The following HHLA2 variants were observed in gnomAD, a reference collection of about 807,000 sequenced individuals.
HHLA2 encodes HHLA2 member of B7 family.
In HHLA2, 48 loss-of-function variants were observed where a neutral mutation model predicts 45.9. The observed-to-expected ratio is 1.05, with a 90% CI of 0.83 to 1.33. HHLA2 has a LOEUF of 1.33. HHLA2 is among the 40% of genes most tolerant of loss of function. HHLA2 has a pLI of 0.00. For synonymous variants in HHLA2, 161 were observed against 173.9 expected (o/e 0.93, Z 0.59); for missense variants, 462 against 494.3 (o/e 0.93, Z 0.62).
chr3:108,366,972 C>T (rs2082075571), intron 8 of HHLA2, among the ~76,000 whole-genome samples: 1 of 152,212 alleles, frequency 6.6e-6, no homozygotes, highest in Non-Finnish European at 1.5e-5. Context: ...TGGCATCAGG[C>T]TGGTGCCCCT....
chr3:108,332,792 C>T (rs1464684281), intron 3 of HHLA2, among the ~76,000 whole-genome samples: 1 of 152,142 alleles, frequency 6.6e-6, no homozygotes, highest in Non-Finnish European at 1.5e-5. Context: ...TTTGATGTTG[C>T]TTCTCCTGTT....
At chr3:108,323,499 A>G (rs1391476602) in intron 2 of HHLA2, among the ~76,000 whole-genome samples, 2 of 152,160 alleles carry the variant, frequency 1.3e-5, no homozygotes, top group African/African-American at 2.4e-5. Flanking sequence ...ATAAACATGT[A>G]TTTAAGCTGC....
At chr3:108,357,976 A>G (rs1349050145) in exon 7 of HHLA2, 2 of 1,613,706 alleles carry the variant, frequency 1.2e-6, no homozygotes, top group African/African-American at 2.7e-5. Context: ...GTCCTGGCTT[A>G]CTATCTGAGC....
Position 108,297,645 on chromosome 3 carries a change from A to G in HHLA2, c.-192+1046A>G, listed in dbSNP as rs543291091. Among the ~76,000 whole-genome samples the G allele has an allele frequency of 6.6e-4, 101 of 152,314 alleles. 3 individuals carry two copies. The highest frequency in any genetic ancestry group is 3.6e-4 in the African/African-American group (15 of 41,578). On this transcript the variant is annotated intron_variant, in intron 1 of 10. Coordinates refer to ENST00000619531, the Ensembl canonical transcript of HHLA2. Reference sequence around the variant, plus strand: ...AGATGTAAAAGACAAATGATTTCCTATATAATCATATTGAGTAGCCTGAAA... The same window carrying G: ...AGATGTAAAAGACAAATGATTTCCTGTATAATCATATTGAGTAGCCTGAAA...
At chr3:108,372,543 G>GT (rs1225520326) in intron 8 of HHLA2, among the ~76,000 whole-genome samples, 1 of 150,948 alleles carries the variant, frequency 6.6e-6, no homozygotes, top group Non-Finnish European at 1.5e-5. Context: ...CCAGGAGCTG[G>GT]TTTTTTGAAA....
At chr3:108,364,908 A>G (rs1260070981) in intron 8 of HHLA2, among the ~76,000 whole-genome samples, 3 of 152,118 alleles carry the variant, frequency 2.0e-5, no homozygotes, top group African/African-American at 7.2e-5. Flanking sequence ...CTTTTGTCAG[A>G]TGGGTAGACT....
Position 108,375,791 on chromosome 3 carries a change from GCC to G in HHLA2, c.1152_1153del (p.Gln385ThrfsTer10). 1 of 1,610,750 alleles carries G rather than the reference GCC, an allele frequency of 6.2e-7. No individual in the cohort carries two copies. The highest frequency in any genetic ancestry group is 2.2e-5 in the East Asian group (1 of 44,778). On this transcript the variant is annotated frameshift_variant, in exon 9 of 11. Coordinates refer to ENST00000619531, the Ensembl canonical transcript of HHLA2. LOFTEE classifies it high-confidence loss of function. ...GAGGAGCAGACACCCTGCTGATGGA[GCC>G]CAACAAGGTCAGCCTCCCATGTCTG...
At chr3:108,325,839 G>A (rs901379266) in intron 2 of HHLA2, 37 of 353,790 alleles carry the variant, frequency 1.0e-4, no homozygotes, top group African/African-American at 2.8e-4. Flanking sequence ...CTACCTCCAC[G>A]ACCACCACTC....
chr3:108,326,467 G>T (rs1030484152), intron 2 of HHLA2: 1 of 152,178 alleles, frequency 6.6e-6, no homozygotes, highest in Non-Finnish European at 1.5e-5. Flanking sequence ...CATGAGAACT[G>T]TATGGGGAAA....
At chr3:108,369,373 C>G (rs1436201916) in intron 8 of HHLA2, among the ~76,000 whole-genome samples, 1 of 152,162 alleles carries the variant, frequency 6.6e-6, no homozygotes, top group Non-Finnish European at 1.5e-5. Flanking sequence ...CGGTCTACAG[C>G]TCCCAGCGTG....
chr3:108,331,850 C>G (rs2081391954), intron 3 of HHLA2, among the ~76,000 whole-genome samples: 1 of 152,096 alleles, frequency 6.6e-6, no homozygotes, highest in Non-Finnish European at 1.5e-5. Flanking sequence ...CTGCCTGCCT[C>G]CCCCTCCCCA....
chr3:108,368,163 G>A (rs2082098236), intron 8 of HHLA2, among the ~76,000 whole-genome samples: 1 of 152,032 alleles, frequency 6.6e-6, no homozygotes, highest in Admixed American at 6.6e-5. Context: ...AATGCTGAGG[G>A]ATTCTGTCAC....
At chr3:108,370,489 C>T (rs1340276234) in intron 8 of HHLA2, among the ~76,000 whole-genome samples, 5 of 152,148 alleles carry the variant, frequency 3.3e-5, no homozygotes, top group South Asian at 2.1e-4. Flanking sequence ...ATGACTTTGA[C>T]GAGTTGAGAG....
intron 3 of HHLA2, among the ~76,000 whole-genome samples, chr3:108,345,694 A>G (rs2081648722): frequency 6.6e-6 from 1 of 152,186 alleles, no homozygotes; most frequent in African/African-American, 2.4e-5. Context: ...AAGGAAACAC[A>G]CAGACTGCGG....
chr3:108,362,456 G>A lies in HHLA2; in HGVS notation c.1108+10G>A. Reference sequence around the variant, plus strand: ...GTAAAATGTTGCAGAGGTAATAGAAGAATTTGGGCTCTGCCCCACGTGTTC... The same window carrying A: ...GTAAAATGTTGCAGAGGTAATAGAAAAATTTGGGCTCTGCCCCACGTGTTC... On this transcript the variant is annotated intron_variant, in intron 8 of 10. Coordinates refer to ENST00000619531, the Ensembl canonical transcript of HHLA2. The A allele has an allele frequency of 1.3e-6, 2 of 1,577,220 alleles. No individual in the cohort carries two copies. The highest frequency in any genetic ancestry group is 1.1e-5 in the South Asian group (1 of 88,308).
intron 8 of HHLA2, among the ~76,000 whole-genome samples, chr3:108,369,959 G>C (rs923667297): frequency 6.6e-6 from 1 of 152,230 alleles, no homozygotes; most frequent in African/African-American, 2.4e-5. Flanking sequence ...GCTTTGAAGA[G>C]AGTAGTAGTT....
intron 2 of HHLA2, among the ~76,000 whole-genome samples, chr3:108,313,029 C>T (rs565561991): frequency 6.6e-6 from 1 of 152,168 alleles, no homozygotes; most frequent in East Asian, 1.9e-4. Flanking sequence ...GGTGCCTTGC[C>T]AAAATTAAGG....
intron 3 of HHLA2, among the ~76,000 whole-genome samples, chr3:108,339,943 AAGAC>A (rs1381304723): frequency 6.6e-6 from 1 of 152,180 alleles, no homozygotes; most frequent in Non-Finnish European, 1.5e-5. Flanking sequence ...TCTGGTTCAA[AAGAC>A]TTTGAATAGT....
chr3:108,361,190 A>T (rs1328382833), intron 7 of HHLA2, among the ~76,000 whole-genome samples: 1 of 152,242 alleles, frequency 6.6e-6, no homozygotes, highest in Non-Finnish European at 1.5e-5. Context: ...CACTATCAGC[A>T]GGTCCTCCTT....
Sources: gnomAD v4.1 joint callset for allele counts (sites outside exome capture counted in the v4.1 genomes callset) on GRCh38, gnomAD v4.1.1 for gene constraint, MANE v1.5 for transcripts, NCBI Gene and HGNC (gene_info 2026-07-23, HGNC 2026-07-21) for gene names.